Variants in CINP observed in about 807,000 individuals in gnomAD.
The protein encoded by CINP is cyclin dependent kinase 2 interacting protein.
A neutral mutation model predicts 20.5 loss-of-function variants in CINP; 11 were observed. That is an observed-to-expected ratio of 0.54 (90% CI 0.34 to 0.89). The LOEUF is 0.89. CINP is among the 40% of genes least tolerant of loss of function. The pLI, the probability that CINP is intolerant of heterozygous loss-of-function variation, is 0.02. For missense variants in CINP, 213 were observed against 251.0 expected (o/e 0.85, Z 1.02); for synonymous variants, 108 against 102.1 (o/e 1.06, Z -0.35).
chr14:102,352,587 A>G (rs1486743236), intron 3 of CINP: 6 of 453,972 alleles, frequency 1.3e-5, no homozygotes, highest in Non-Finnish European at 2.2e-5. Context: ...AGGAAAAATA[A>G]TAATACCCTA....
At position 102,355,903 on chromosome 14, in the gene CINP, C is replaced by G. The variant is rs754706369; in HGVS notation, c.177-6G>C. 4 of 1,613,508 alleles carry G rather than the reference C, an allele frequency of 2.5e-6. No individual in the cohort carries two copies. Among genetic ancestry groups the G allele is most frequent in the Middle Eastern group, 1.7e-4 (1 of 6,060 alleles). On this transcript the variant is annotated splice_region_variant and splice_polypyrimidine_tract_variant and intron_variant, in intron 2 of 4. Transcript: ENST00000216756. ...GTTCTATCTTGTCTTTATTCCTAAA[C>G]AAAATAGAAAATAATGTGTACAAAA... is the stretch of plus-strand genomic sequence containing the variant.
At chr14:102,354,179 CAAAG>C (rs1418834445) in intron 3 of CINP, among the ~76,000 whole-genome samples, 1 of 152,144 alleles carries the variant, frequency 6.6e-6, no homozygotes, top group African/African-American at 2.4e-5. Flanking sequence ...CTGTGCCTAG[CAAAG>C]AAATAAGGTG....
chr14:102,355,775 T>C lies in CINP; in HGVS notation c.299A>G (p.Asp100Gly), dbSNP rs887098476. 2.5e-6 allele frequency: 4 copies of C among 1,613,838 alleles called. No individual in the cohort carries two copies. Among genetic ancestry groups the C allele is most frequent in the Non-Finnish European group, 3.4e-6 (4 of 1,179,922 alleles). Residue 100 changes from aspartate to glycine, a missense_variant, in exon 3 of 5, where the codon GAT becomes GGT. By Grantham distance (94) the Asp-to-Gly change is moderately conservative. Transcript: ENST00000216756. ...TGCGTCTTTATGTCTTACCAACCCA[T>C]CCAAGGTGGCCTGCAGTTCCTCACA... is the stretch of plus-strand genomic sequence containing the variant. ...KLCEELQATL[D>G]GLTKIQVKME...
intron 4 of CINP, among the ~76,000 whole-genome samples, chr14:102,349,491 TG>T (rs1366693999): frequency 1.3e-5 from 2 of 152,294 alleles, no homozygotes; most frequent in East Asian, 3.9e-4. Flanking sequence ...ACTGAAGCCA[TG>T]GGTTTCATTT....
chr14:102,352,566 T>C (rs1886892119), intron 3 of CINP: 1 of 455,844 alleles, frequency 2.2e-6, no homozygotes, highest in Non-Finnish European at 4.4e-6. Flanking sequence ...CTATAACGGA[T>C]AGAGGAAAAT....
At chr14:102,356,677 GTC>G (rs748728338) in intron 2 of CINP, among the ~76,000 whole-genome samples, 2 of 152,124 alleles carry the variant, frequency 1.3e-5, no homozygotes, top group Non-Finnish European at 2.9e-5. Context: ...CTTACTTCAT[GTC>G]TCTCTATCAT....
At chr14:102,359,616 T>C in intron 1 of CINP, 29 bp from the exon 2 acceptor site, 1 of 1,556,028 alleles carries the variant, frequency 6.4e-7, no homozygotes, top group Non-Finnish European at 8.8e-7. Flanking sequence ...AACAAAATTA[T>C]TATCATGGAA....
At chr14:102,355,540 T>C (rs1185401842) in intron 3 of CINP, 3 of 431,068 alleles carry the variant, frequency 7.0e-6, no homozygotes, top group Non-Finnish European at 1.2e-5. Context: ...AAATTTACTA[T>C]GTGATGAGCC....
At position 102,358,987 on chromosome 14, in the gene CINP, G is replaced by A. The variant is rs561622379; in HGVS notation, c.176+432C>T. Among the ~76,000 whole-genome samples the A allele has an allele frequency of 1.8e-4, 27 of 151,846 alleles. No individual in the cohort carries two copies. In the East Asian group the frequency reaches 1.9e-3, roughly 11 times the overall value. ...TGGGAGGCTGAGGCAGGTGGATCAC[G>A]TAAGGTCAGGAGTTCGAGACCAGCC... On this transcript the variant is annotated intron_variant, in intron 2 of 4. Transcript: ENST00000216756.
chr14:102,354,788 G>A (rs1367018929), intron 3 of CINP, among the ~76,000 whole-genome samples: 2 of 151,664 alleles, frequency 1.3e-5, no homozygotes, highest in African/African-American at 4.8e-5. Flanking sequence ...AAACAAAAAA[G>A]GCCAGGTGCG....
At chr14:102,358,758 A>G (rs1239937883) in intron 2 of CINP, among the ~76,000 whole-genome samples, 2 of 152,208 alleles carry the variant, frequency 1.3e-5, no homozygotes, top group African/African-American at 4.8e-5. Flanking sequence ...TTTACGTAAA[A>G]TCCAAAAATG....
intron 2 of CINP, among the ~76,000 whole-genome samples, chr14:102,359,011 C>G (rs1241946563): frequency 6.6e-6 from 1 of 151,662 alleles, no homozygotes; most frequent in South Asian, 2.1e-4. Context: ...TCGAGACCAG[C>G]CTAACATGGT....
At chr14:102,362,627 T>C in intron 1 of CINP, 1 of 715,998 alleles carries the variant, frequency 1.4e-6, no homozygotes, top group Non-Finnish European at 2.6e-6. Context: ...CCCGTTCATC[T>C]GTCACTGCAC....
Position 102,359,600 on chromosome 14 carries a change from A to G in CINP, c.8-13T>C, listed in dbSNP as rs368991800. 8 of 1,584,744 alleles carry G rather than the reference A, an allele frequency of 5.0e-6. No homozygotes were observed. The East Asian group carries it at 1.1e-4, about 22-fold the overall frequency. ...CCAAGAGTCTTTGCTGATAGGGTAT[A>G]AAAGAAACAAAATTATTATCATGGA... On this transcript the variant is annotated splice_polypyrimidine_tract_variant and intron_variant, in intron 1 of 4. Coordinates refer to ENST00000216756, the MANE Select transcript of CINP (RefSeq NM_032630.3).
chr14:102,355,219 A>G lies in CINP; in HGVS notation c.306+549T>C, dbSNP rs567845224. Among the ~76,000 whole-genome samples, 71 of 152,218 alleles carry G rather than the reference A, an allele frequency of 4.7e-4. No homozygotes were observed. The Middle Eastern group carries it at 0.014, about 29-fold the overall frequency. On this transcript the variant is annotated intron_variant, in intron 3 of 4. Coordinates refer to ENST00000216756, the MANE Select transcript of CINP (RefSeq NM_032630.3). ...AGAGACTGGCTGGCCCTGGAAGCCT[A>G]AAATATTTACTCTGTGGCTGGGCGT...
At position 102,355,855 on chromosome 14, in the gene CINP, C is replaced by T. The variant is rs377039070; in HGVS notation, c.219G>A (p.Ser73=). 2.2e-5 allele frequency: 35 copies of T among 1,614,012 alleles called. No homozygotes were observed. The South Asian group carries it at 2.6e-4, about 12-fold the overall frequency. ...GACACACCTTTTCTTCATTTTCCTT[C>T]GAGGCTGGGCTGCTGCTGTCTAGTT... ...KIELDSSSPA[S]KENEEKVCLE... The change falls in exon 3 of 5, where the codon TCG becomes TCA. Residue 73 remains serine (S), a synonymous_variant. Coordinates refer to ENST00000216756, the MANE Select transcript of CINP (RefSeq NM_032630.3).
At chr14:102,349,853 A>T in intron 4 of CINP, 66 bp downstream of exon 4, 1 of 1,575,308 alleles carries the variant, frequency 6.3e-7, no homozygotes, top group Non-Finnish European at 8.7e-7. Flanking sequence ...TACCAGATGT[A>T]AACGATACTA....
chr14:102,354,958 A>C lies in CINP; in HGVS notation c.306+810T>G, dbSNP rs561021456. ...GTGGCACGAGCCTGTAATCCCAGCT[A>C]CCTGGGAGGCTAAGGCAGCAGAATC... On this transcript the variant is annotated intron_variant, in intron 3 of 4. Transcript: ENST00000216756. Among the ~76,000 whole-genome samples, 5 of 151,656 alleles carry C rather than the reference A, an allele frequency of 3.3e-5. No individual in the cohort carries two copies. The South Asian group carries it at 1.0e-3, about 32-fold the overall frequency.
chr14:102,349,234 A>G (rs1008765883), intron 4 of CINP, among the ~76,000 whole-genome samples: 1 of 152,178 alleles, frequency 6.6e-6, no homozygotes, highest in Non-Finnish European at 1.5e-5. Flanking sequence ...AGCAGGCGTG[A>G]CAGAGCGAGA....
Sources: gnomAD v4.1 joint callset for allele counts (sites outside exome capture counted in the v4.1 genomes callset) on GRCh38, gnomAD v4.1.1 for gene constraint, MANE v1.5 for transcripts, NCBI Gene and HGNC (gene_info 2026-07-23, HGNC 2026-07-21) for gene names.